TIAM2: variants seen among roughly 807,000 people sequenced by gnomAD.
The protein encoded by TIAM2 is TIAM Rac1 associated GEF 2.
In TIAM2, 80 loss-of-function variants were observed where a neutral mutation model predicts 152.9. That is an observed-to-expected ratio of 0.52 (90% CI 0.44 to 0.63). The LOEUF is 0.63. Among genes scored for constraint, TIAM2 ranks in the 30% least tolerant of loss-of-function variants. TIAM2 has a pLI of 0.00. For missense variants in TIAM2, 1,965 were observed against 2,120.1 expected (o/e 0.93, Z 1.44); for synonymous variants, 804 against 838.0 (o/e 0.96, Z 0.70).
At chr6:155,220,901 G>A (rs1051711813) in intron 15 of TIAM2, among the ~76,000 whole-genome samples, 5 of 151,886 alleles carry the variant, frequency 3.3e-5, no homozygotes, top group South Asian at 2.1e-4. Context: ...TTCTCCTGAC[G>A]CTATCCGTCT....
rs543806736 is a variant in TIAM2, at chr6:155,104,127, C to T, written c.-118+13748C>T. Among the ~76,000 whole-genome samples the T allele has an allele frequency of 5.0e-3, 724 of 144,814 alleles. 3 individuals are homozygous for T. The highest frequency in any genetic ancestry group is 8.0e-3 in the Non-Finnish European group (536 of 66,682). ...GTTTTGTGTTATGTGACTTGGCCTC[C>T]GTGGCAACCTCTGACTTCAGTCCCG... On this transcript the variant is annotated intron_variant, in intron 2 of 26. Coordinates refer to ENST00000682666, the MANE Select transcript of TIAM2 (RefSeq NM_012454.4).
intron 1 of TIAM2, among the ~76,000 whole-genome samples, chr6:155,010,742 C>T (rs552664554): frequency 2.5e-3 from 382 of 152,226 alleles, no homozygotes; most frequent in African/African-American, 8.5e-3. Context: ...TGAGCCACTG[C>T]GCCCAGCTTA....
intron 15 of TIAM2, chr6:155,217,157 G>C (rs1226163490): frequency 7.8e-7 from 1 of 1,276,978 alleles, no homozygotes; most frequent in Non-Finnish European, 1.0e-6. Flanking sequence ...ATGCTTGCAC[G>C]GTTTCCTTTT....
intron 17 of TIAM2, 39 bp from the exon 18 acceptor site, chr6:155,244,619 T>C (rs777918257): frequency 1.1e-5 from 18 of 1,606,228 alleles, no homozygotes; most frequent in Non-Finnish European, 1.4e-5. Flanking sequence ...CTGAACTTCA[T>C]GGCTAATCCC....
intron 15 of TIAM2, among the ~76,000 whole-genome samples, chr6:155,235,808 C>A (rs1442032852): frequency 1.3e-5 from 2 of 152,150 alleles, no homozygotes; most frequent in Non-Finnish European, 2.9e-5. Context: ...CAGAAAAGTT[C>A]ATAAAGTGAA....
intron 9 of TIAM2, among the ~76,000 whole-genome samples, chr6:155,172,522 C>G (rs1165858467): frequency 6.6e-6 from 1 of 151,116 alleles, no homozygotes; most frequent in African/African-American, 2.4e-5. Context: ...AGTGCAGAGG[C>G]ACTAGATAAC....
chr6:155,176,884 C>A lies in TIAM2; in HGVS notation c.2430C>A (p.Ile810=). The A allele has an allele frequency of 1.2e-6, 2 of 1,613,994 alleles. No individual in the cohort carries two copies. The highest frequency in any genetic ancestry group is 1.7e-6 in the Non-Finnish European group (2 of 1,179,952). ...DGVPRDNAWE[I]QTYVHFQDNH... is the part of the protein sequence containing the mutation. ...TTCCCCGAGACAATGCATGGGAAAT[C>A]CAGACTTATGTCCACTTTCAGGACA... Residue 810 remains isoleucine (I), a synonymous_variant, in exon 10 of 27, where the codon ATC becomes ATA. Transcript: ENST00000682666.
At chr6:155,065,953 AGTATTTGGAG>A (rs1425877466) in intron 1 of TIAM2, among the ~76,000 whole-genome samples, 9 of 152,110 alleles carry the variant, frequency 5.9e-5, no homozygotes, top group African/African-American at 1.9e-4. Flanking sequence ...ATCCAGTATT[AGTATTTGGAG>A]GTATTTGGAG....
At chr6:155,211,094 C>T in intron 14 of TIAM2, 110 bp from the exon 15 acceptor site, 1 of 836,126 alleles carries the variant, frequency 1.2e-6, no homozygotes. Context: ...CTCTGTACTG[C>T]CTCCTAGGTT....
chr6:155,054,560 G>A (rs1428460809), intron 1 of TIAM2, among the ~76,000 whole-genome samples: 1 of 140,562 alleles, frequency 7.1e-6, no homozygotes, highest in East Asian at 2.1e-4. Flanking sequence ...TTCTGTAGAA[G>A]TACAGAGTTT....
chr6:155,187,826 C>T (rs1049433985), intron 14 of TIAM2, among the ~76,000 whole-genome samples: 11 of 152,040 alleles, frequency 7.2e-5, no homozygotes, highest in African/African-American at 9.7e-5. Flanking sequence ...GATCTGCCCG[C>T]CTCGACCTCC....
At chr6:155,223,160 G>A (rs979351992) in intron 15 of TIAM2, among the ~76,000 whole-genome samples, 1 of 152,112 alleles carries the variant, frequency 6.6e-6, no homozygotes, top group African/African-American at 2.4e-5. Flanking sequence ...CCAGTCTTAC[G>A]ATGTTTATTC....
chr6:155,181,426 GTA>G (rs1780899726), intron 12 of TIAM2, among the ~76,000 whole-genome samples: 1 of 152,172 alleles, frequency 6.6e-6, no homozygotes, highest in South Asian at 2.1e-4. Flanking sequence ...TTCAGTGAGA[GTA>G]TTTTTTTGCT....
rs1325663699 is a variant in TIAM2, at chr6:155,089,556, T to A, written c.-208-733T>A. ...TTCTGATCCTTTGGCACTACCCACT[T>A]GAGTTCTGCTCCAGAATCCGTAACA... is the stretch of plus-strand genomic sequence containing the variant. On this transcript the variant is annotated intron_variant, in intron 1 of 26. Coordinates refer to ENST00000682666, the MANE Select transcript of TIAM2 (RefSeq NM_012454.4). Among the ~76,000 whole-genome samples the A allele has an allele frequency of 2.0e-5, 3 of 152,202 alleles. No individual in the cohort carries two copies. In the East Asian group the frequency reaches 5.8e-4, roughly 29 times the overall value.
At chr6:155,171,401 T>C (rs1483835742) in intron 9 of TIAM2, among the ~76,000 whole-genome samples, 1 of 152,222 alleles carries the variant, frequency 6.6e-6, no homozygotes, top group Non-Finnish European at 1.5e-5. Context: ...CCACTAAGGC[T>C]CAGATGGCGG....
intron 20 of TIAM2, among the ~76,000 whole-genome samples, chr6:155,249,285 A>T (rs996062151): frequency 6.6e-6 from 1 of 152,198 alleles, no homozygotes; most frequent in Non-Finnish European, 1.5e-5. Flanking sequence ...AAATGCAAAC[A>T]ATTGTTCTGT....
intron 1 of TIAM2, among the ~76,000 whole-genome samples, chr6:155,029,960 T>G (rs1056016597): frequency 2.6e-5 from 4 of 151,718 alleles, no homozygotes; most frequent in African/African-American, 9.7e-5. Flanking sequence ...GCCTGGCTAA[T>G]TTTTGTATGT....
At chr6:155,179,258 C>T in intron 11 of TIAM2, 115 bp downstream of exon 11, 2 of 1,420,104 alleles carry the variant, frequency 1.4e-6, no homozygotes, top group South Asian at 1.2e-5. Context: ...AGTTTGGAAA[C>T]AGTCTCTATA....
intron 7 of TIAM2, among the ~76,000 whole-genome samples, chr6:155,150,399 A>G (rs1399172156): frequency 6.6e-6 from 1 of 152,182 alleles, no homozygotes; most frequent in Non-Finnish European, 1.5e-5. Flanking sequence ...ATCTTGAGGA[A>G]ATGAAGACTT....
Sources: gnomAD v4.1 joint callset for allele counts (sites outside exome capture counted in the v4.1 genomes callset) on GRCh38, gnomAD v4.1.1 for gene constraint, MANE v1.5 for transcripts, NCBI Gene and HGNC (gene_info 2026-07-23, HGNC 2026-07-21) for gene names.